Variants in MAST4 observed in about 807,000 individuals in gnomAD.
MAST4 encodes the protein microtubule-associated serine/threonine-protein kinase 4.
MAST4 carries 89 observed loss-of-function variants against 162.7 expected under a neutral mutation model. The ratio of observed to expected loss-of-function variants is 0.55; its 90% CI spans 0.46 to 0.65. The LOEUF (loss-of-function observed/expected upper bound fraction) is 0.65, where lower values mean the gene tolerates loss of function less well. MAST4 is among the 30% of genes least tolerant of loss of function. The pLI is 0.00. For missense variants in MAST4, 3,153 were observed against 3,374.0 expected (o/e 0.93, Z 1.62); for synonymous variants, 1,479 against 1,361.1 (o/e 1.09, Z -1.91).
At chr5:67,093,775 G>T in intron 6 of MAST4, 2 of 384,020 alleles carry the variant, frequency 5.2e-6, no homozygotes, top group East Asian at 7.4e-5. Context: ...GGGAGAAATT[G>T]TGTCCCTCAC....
At chr5:66,765,901 G>T (rs554465527) in intron 2 of MAST4, among the ~76,000 whole-genome samples, 12 of 152,272 alleles carry the variant, frequency 7.9e-5, no homozygotes, top group African/African-American at 2.6e-4. Flanking sequence ...AGCTCACTAT[G>T]CACATTACTG....
chr5:66,788,607 C>CCAGCCCAA, intron 2 of MAST4, 63 bp from the exon 3 acceptor site: 1 of 1,373,728 alleles, frequency 7.3e-7, no homozygotes, highest in Non-Finnish European at 1.0e-6. Context: ...CCCCCACCCC[C>CCAGCCCAA]ATTGCAATAA....
chr5:66,983,195 GA>G (rs1317765527), intron 4 of MAST4, among the ~76,000 whole-genome samples: 4 of 152,210 alleles, frequency 2.6e-5, no homozygotes, highest in African/African-American at 7.2e-5. Flanking sequence ...TGAAATGTCA[GA>G]AGTAGTCAGT....
At chr5:67,112,200 TA>T in intron 11 of MAST4, among the ~76,000 whole-genome samples, 1 of 152,280 alleles carries the variant, frequency 6.6e-6, no homozygotes, top group Middle Eastern at 3.4e-3. Context: ...TTTAAGTCAA[TA>T]AGCATAATTG....
intron 3 of MAST4, among the ~76,000 whole-genome samples, chr5:66,815,486 A>G (rs1009067278): frequency 4.6e-5 from 7 of 151,658 alleles, no homozygotes; most frequent in Admixed American, 3.9e-4. Context: ...ATTTTAATAG[A>G]AAAAAAACAG....
chr5:67,149,047 G>T (rs750256052), intron 23 of MAST4, among the ~76,000 whole-genome samples: 2 of 152,080 alleles, frequency 1.3e-5, no homozygotes, highest in African/African-American at 2.4e-5. Context: ...GGTATGGGGG[G>T]GGTAGGGGCA....
chr5:66,652,521 G>T lies in MAST4; in HGVS notation c.363+55503G>T, dbSNP rs1352306484. Among the ~76,000 whole-genome samples the T allele has an allele frequency of 4.6e-5, 7 of 152,290 alleles. No homozygotes were observed. In the East Asian group the frequency reaches 1.3e-3, roughly 29 times the overall value. ...AAAGTGATATAACAAATTTGACAAA[G>T]TAGTTGTAATTAAAATTTGTTCATT... is the stretch of plus-strand genomic sequence containing the variant. On this transcript the variant is annotated intron_variant, in intron 1 of 28. Coordinates refer to ENST00000403625, the MANE Select transcript of MAST4 (RefSeq NM_001164664.2).
In MAST4 at chr5:67,102,618, A is replaced by G; in HGVS notation, c.1146+7A>G. The G allele has an allele frequency of 6.2e-7, 1 of 1,608,712 alleles. No homozygotes were observed. The highest frequency in any genetic ancestry group is 1.1e-5 in the South Asian group (1 of 90,964). On this transcript the variant is annotated splice_region_variant and intron_variant, in intron 9 of 28. Transcript: ENST00000403625. ...CAAAGAAAGGTTCCCAAAGGTAATG[A>G]ATTGAATTGAAGATGCCTAGCATCT...
rs541603334 is a variant in MAST4 at position 67,123,166 on chromosome 5, G to A, written c.1745+2064G>A. On this transcript the variant is annotated intron_variant, in intron 14 of 28. Coordinates refer to ENST00000403625, the MANE Select transcript of MAST4 (RefSeq NM_001164664.2). Reference sequence around the variant, plus strand: ...TCTAGAAGCTTTCTTAGGTATCCATGTACAGGGTCTACCACTCACATCAGT... The same window carrying A: ...TCTAGAAGCTTTCTTAGGTATCCATATACAGGGTCTACCACTCACATCAGT... Among the ~76,000 whole-genome samples the A allele has an allele frequency of 3.5e-3, 530 of 152,276 alleles. 1 individual carries two copies. The highest frequency in any genetic ancestry group is 0.012 in the African/African-American group (505 of 41,540).
intron 3 of MAST4, among the ~76,000 whole-genome samples, chr5:66,835,725 A>G (rs1262494667): frequency 1.3e-5 from 2 of 152,230 alleles, no homozygotes; most frequent in Non-Finnish European, 2.9e-5. Context: ...TTATATTTCA[A>G]ATAAATTATA....
chr5:66,748,978 G>A (rs1033141619), intron 1 of MAST4, among the ~76,000 whole-genome samples: 3 of 151,830 alleles, frequency 2.0e-5, no homozygotes, highest in African/African-American at 7.3e-5. Context: ...TATTCTTCAG[G>A]CACTGCAGAG....
intron 3 of MAST4, among the ~76,000 whole-genome samples, chr5:66,834,210 G>A (rs1180110698): frequency 6.6e-6 from 1 of 152,150 alleles, no homozygotes; most frequent in South Asian, 2.1e-4. Flanking sequence ...CAGGAATTGG[G>A]AAAATTTAAG....
intron 4 of MAST4, among the ~76,000 whole-genome samples, chr5:67,025,269 G>T (rs529654908): frequency 6.6e-6 from 1 of 152,072 alleles, no homozygotes; most frequent in Non-Finnish European, 1.5e-5. Context: ...CAGATATCAA[G>T]ATCTAGAGGC....
intron 1 of MAST4, among the ~76,000 whole-genome samples, chr5:66,627,761 T>C (rs1744534194): frequency 6.6e-6 from 1 of 152,168 alleles, no homozygotes; most frequent in African/African-American, 2.4e-5. Flanking sequence ...GTAAAGCTGC[T>C]TTTACAACAT....
chr5:67,004,788 T>C, intron 4 of MAST4: 1 of 537,918 alleles, frequency 1.9e-6, no homozygotes, highest in Admixed American at 3.1e-5. Context: ...TGTGTGTTAA[T>C]TAAAGGCTAG....
intron 2 of MAST4, among the ~76,000 whole-genome samples, chr5:66,785,552 C>T (rs890970493): frequency 1.3e-5 from 2 of 152,098 alleles, no homozygotes; most frequent in Admixed American, 6.5e-5. Flanking sequence ...GATAATCATA[C>T]CTATCCCATA....
intron 3 of MAST4, among the ~76,000 whole-genome samples, chr5:66,851,697 A>G (rs1241559802): frequency 6.6e-6 from 1 of 152,192 alleles, no homozygotes; most frequent in African/African-American, 2.4e-5. Flanking sequence ...ACTATAGTGC[A>G]TGCACTTCTC....
intron 4 of MAST4, among the ~76,000 whole-genome samples, chr5:66,971,113 A>G (rs570919291): frequency 6.6e-6 from 1 of 152,258 alleles, no homozygotes; most frequent in East Asian, 1.9e-4. Context: ...ACAGTGTAAG[A>G]TTCCATTTAC....
chr5:66,687,670 A>G (rs918706202), intron 1 of MAST4, among the ~76,000 whole-genome samples: 9 of 131,742 alleles, frequency 6.8e-5, no homozygotes, highest in African/African-American at 2.6e-4. Flanking sequence ...CTATCTATCT[A>G]TCTATCTATA....
Sources: allele counts gnomAD v4.1 joint callset (sites outside exome capture counted in the v4.1 genomes callset), GRCh38; gene constraint gnomAD v4.1.1; transcripts MANE v1.5; gene names NCBI Gene and HGNC (gene_info 2026-07-23, HGNC 2026-07-21).